The following CALN1 variants were observed in gnomAD, a reference collection of about 807,000 sequenced individuals.
CALN1 encodes the protein calneuron 1.
CALN1 carries 17 observed loss-of-function variants against 30.6 expected under a neutral mutation model. That is an observed-to-expected ratio of 0.56 (90% CI 0.38 to 0.83). CALN1 has a LOEUF of 0.83. CALN1 is among the 40% of genes least tolerant of loss of function. The pLI, the probability that CALN1 is intolerant of heterozygous loss-of-function variation, is 0.00. For missense variants in CALN1, 291 were observed against 354.9 expected (o/e 0.82, Z 1.45); for synonymous variants, 156 against 131.4 (o/e 1.19, Z -1.28).
intron 4 of CALN1, among the ~76,000 whole-genome samples, chr7:72,045,404 CCT>C (rs747492402): frequency 7.2e-5 from 11 of 152,182 alleles, no homozygotes; most frequent in Non-Finnish European, 1.5e-4. Flanking sequence ...CTTCCTGGTG[CCT>C]CTGTTTTGAT....
intron 3 of CALN1, among the ~76,000 whole-genome samples, chr7:72,141,677 TC>T (rs1809951477): frequency 6.6e-6 from 1 of 152,110 alleles, no homozygotes; most frequent in African/African-American, 2.4e-5. Context: ...CAAGCGATTC[TC>T]CTGCTTCAGC....
At chr7:72,124,816 T>TA (rs1808629366) in intron 3 of CALN1, among the ~76,000 whole-genome samples, 1 of 148,994 alleles carries the variant, frequency 6.7e-6, no homozygotes, top group African/African-American at 2.5e-5. Context: ...GGCAAGGAAA[T>TA]AGTCTTTGAT....
intron 5 of CALN1, among the ~76,000 whole-genome samples, chr7:72,011,399 C>G (rs1252808217): frequency 6.6e-6 from 1 of 152,114 alleles, no homozygotes; most frequent in Non-Finnish European, 1.5e-5. Flanking sequence ...CGTTGAACCT[C>G]TGAACTCTGC....
At chr7:72,065,675 G>A (rs1262322391) in intron 4 of CALN1, among the ~76,000 whole-genome samples, 1 of 152,012 alleles carries the variant, frequency 6.6e-6, no homozygotes, top group African/African-American at 2.4e-5. Context: ...TCATCTGTGT[G>A]GAAGTCAGGA....
At chr7:72,363,104 T>A (rs1803662580) in intron 2 of CALN1, among the ~76,000 whole-genome samples, 1 of 152,228 alleles carries the variant, frequency 6.6e-6, no homozygotes, top group East Asian at 1.9e-4. Context: ...CATGGGGGTC[T>A]GTCGTACAGA....
chr7:72,301,881 A>C (rs1799287718), intron 2 of CALN1, among the ~76,000 whole-genome samples: 1 of 152,208 alleles, frequency 6.6e-6, no homozygotes, highest in Non-Finnish European at 1.5e-5. Flanking sequence ...AGGAATGGCA[A>C]TGACCAAACA....
chr7:72,343,483 G>C (rs566251444), intron 2 of CALN1, among the ~76,000 whole-genome samples: 90 of 152,042 alleles, frequency 5.9e-4, no homozygotes, highest in African/African-American at 2.1e-3. Flanking sequence ...AGGAGGCAGA[G>C]GTTGCAATGA....
At chr7:72,165,806 A>C (rs1305308906) in intron 3 of CALN1, among the ~76,000 whole-genome samples, 2 of 151,840 alleles carry the variant, frequency 1.3e-5, no homozygotes, top group African/African-American at 4.8e-5. Flanking sequence ...AAGGAAATGA[A>C]TTGTGTTTGT....
intron 4 of CALN1, among the ~76,000 whole-genome samples, chr7:72,091,780 T>A (rs1184396095): frequency 6.6e-6 from 1 of 152,220 alleles, no homozygotes; most frequent in Non-Finnish European, 1.5e-5. Context: ...ATTATTGCAA[T>A]GAAGGAATGC....
At chr7:72,441,597 CA>C (rs56230554) in intron 1 of CALN1, among the ~76,000 whole-genome samples, 1,247 of 79,464 alleles carry the variant, frequency 0.016, 13 homozygotes, top group East Asian at 0.068. Flanking sequence ...CACTCCGTCT[CA>C]AAAAAAAAAA....
chr7:72,308,814 T>C (rs1357961426), intron 2 of CALN1, among the ~76,000 whole-genome samples: 2 of 152,122 alleles, frequency 1.3e-5, no homozygotes, highest in Admixed American at 1.3e-4. Context: ...GGTGAAGAAC[T>C]TTCATGGAGT....
intron 3 of CALN1, among the ~76,000 whole-genome samples, chr7:72,178,084 T>C (rs949903961): frequency 1.1e-4 from 17 of 152,170 alleles, no homozygotes; most frequent in African/African-American, 4.1e-4. Context: ...TGTGTTTGCA[T>C]TCAACTCAAA....
chr7:72,247,188 C>T (rs1554336677), intron 3 of CALN1, among the ~76,000 whole-genome samples: 1 of 146,538 alleles, frequency 6.8e-6, no homozygotes, highest in East Asian at 2.0e-4. Context: ...CTTCGTGGGT[C>T]CTTGGTCTGG....
intron 2 of CALN1, among the ~76,000 whole-genome samples, chr7:72,325,602 G>A (rs993634632): frequency 6.6e-6 from 1 of 151,984 alleles, no homozygotes; most frequent in Non-Finnish European, 1.5e-5. Flanking sequence ...ACTCTGTCTC[G>A]AAAATAAATA....
In CALN1 at chr7:72,079,539, C is replaced by A. The variant is rs368001121; in HGVS notation, c.388+26612G>T. On this transcript the variant is annotated intron_variant, in intron 4 of 6. Transcript: ENST00000395275. ...GCCATTTTGAAAGTAATGGCAAAAACCGCAATTACTCTCGCACCAACCTAA... is the reference window on the plus strand; with the variant it reads ...GCCATTTTGAAAGTAATGGCAAAAAACGCAATTACTCTCGCACCAACCTAA... 1.6e-4 allele frequency among the ~76,000 whole-genome samples: 24 copies of A among 152,164 alleles called. 1 individual carries two copies. The highest frequency in any genetic ancestry group is 4.1e-4 in the African/African-American group (17 of 41,510).
chr7:71,900,504 A>G (rs1334409702), intron 5 of CALN1, among the ~76,000 whole-genome samples: 3 of 152,230 alleles, frequency 2.0e-5, no homozygotes, highest in Non-Finnish European at 4.4e-5. Flanking sequence ...TAGCAGTTCT[A>G]TACACCACTA....
chr7:72,345,234 T>C (rs200385348), intron 2 of CALN1, among the ~76,000 whole-genome samples: 22 of 149,790 alleles, frequency 1.5e-4, no homozygotes, highest in Non-Finnish European at 3.3e-4. Context: ...GGAGGCGTCA[T>C]TGTGCTCCAT....
At chr7:72,079,952 G>C (rs1805018311) in intron 4 of CALN1, among the ~76,000 whole-genome samples, 1 of 151,876 alleles carries the variant, frequency 6.6e-6, no homozygotes. Context: ...TGTATTTTTA[G>C]TAGAGATGGG....
In CALN1 at chr7:72,035,028, T is replaced by A. The variant is rs1172612532; in HGVS notation, c.389-11259A>T. Reference sequence around the variant, plus strand: ...ACTCCCGAAAAACTAATAATAGCAATTTATTCATTGGCACGTCTGGCAGGT... The same window carrying A: ...ACTCCCGAAAAACTAATAATAGCAAATTATTCATTGGCACGTCTGGCAGGT... On this transcript the variant is annotated intron_variant, in intron 4 of 6. Transcript: ENST00000395275. 2.6e-5 allele frequency among the ~76,000 whole-genome samples: 4 copies of A among 152,266 alleles called. No individual in the cohort carries two copies. The East Asian group carries it at 7.7e-4, about 29-fold the overall frequency.
Sources: gnomAD v4.1 joint callset for allele counts (sites outside exome capture counted in the v4.1 genomes callset) on GRCh38, gnomAD v4.1.1 for gene constraint, MANE v1.5 for transcripts, NCBI Gene and HGNC (gene_info 2026-07-23, HGNC 2026-07-21) for gene names.